The following FREM2 variants were observed in gnomAD, a reference collection of about 807,000 sequenced individuals.
FREM2 encodes the protein FRAS1 related extracellular matrix 2, also known as FRAS1-related extracellular matrix protein 2.
FREM2 carries 119 observed loss-of-function variants against 219.9 expected under a neutral mutation model. The ratio of observed to expected loss-of-function variants is 0.54; its 90% confidence interval spans 0.47 to 0.63. FREM2 has a LOEUF of 0.63. FREM2 is among the 30% of genes least tolerant of loss of function. The pLI is 0.00. For synonymous variants in FREM2, 1,562 were observed against 1,522.8 expected, an observed-to-expected ratio of 1.03 and a Z score of -0.60; for missense variants, 4,030 against 3,993.6, an observed-to-expected ratio of 1.01 and a Z score of -0.25.
chr13:38,856,858 C>T (rs149046982), intron 12 of FREM2, among the ~76,000 whole-genome samples: 66 of 152,062 alleles, frequency 4.3e-4, no homozygotes, highest in Non-Finnish European at 7.1e-4. Flanking sequence ...TTTAAAACTA[C>T]GTGTCTTTTT....
chr13:38,707,192 T>A (rs1870576068), intron 2 of FREM2, among the ~76,000 whole-genome samples: 1 of 152,198 alleles, frequency 6.6e-6, no homozygotes. Context: ...ACAGTGTACC[T>A]TCAGATGGTT....
At chr13:38,698,726 G>A (rs781669785) in intron 2 of FREM2, among the ~76,000 whole-genome samples, 13 of 152,058 alleles carry the variant, frequency 8.5e-5, no homozygotes, top group East Asian at 1.9e-4. Flanking sequence ...CTATTATGTC[G>A]TCTATCTCAA....
chr13:38,687,994 G>C lies in FREM2; in HGVS notation c.650G>C (p.Arg217Pro), dbSNP rs1466853435. 6.2e-7 allele frequency: 1 copy of C among 1,612,452 alleles called. No individual in the cohort carries two copies. The highest frequency in any genetic ancestry group is 8.5e-7 in the Non-Finnish European group (1 of 1,179,074). The change falls in exon 1 of 24, where the codon CGC (arginine) becomes CCC (proline). Residue 217 changes from arginine to proline, a missense_variant. Around this residue, in one of 2 missense-constraint regions of FREM2, gnomAD observed 3,102 missense variants for 2,950.7 expected, o/e 1.05. Transcript: ENST00000280481. ...FAFQPETEEC[R>P]VGILSGLGAL... The stretch of plus-strand genomic sequence containing the variant: ...TTCCAGCCCGAGACAGAGGAGTGCC[G>C]CGTGGGCATCCTGTCCGGCTTGGGC...
At chr13:38,804,380 A>G (rs1875139548) in intron 6 of FREM2, among the ~76,000 whole-genome samples, 1 of 151,656 alleles carries the variant, frequency 6.6e-6, no homozygotes, top group South Asian at 2.1e-4. Context: ...AACAAAAATC[A>G]AAATAAATCA....
Position 38,688,197 on chromosome 13 carries a change from G to A in FREM2, c.853G>A (p.Glu285Lys). 6.2e-7 allele frequency: 1 copy of A among 1,613,308 alleles called. No homozygotes were observed. Among genetic ancestry groups the A allele is most frequent in the South Asian group, 1.1e-5 (1 of 91,070 alleles). ...CAGGGACTGGATACCCATGGTGGTG[G>A]AGCTGCGTTCACGAGGGGCTCCTGT... ...PNRDWIPMVV[E>K]LRSRGAPVGS... The change falls in exon 1 of 24, where the codon GAG becomes AAG. Residue 285 changes from glutamate (E) to lysine (K), a missense_variant. Coordinates refer to ENST00000280481, the MANE Select transcript of FREM2 (RefSeq NM_207361.6).
chr13:38,781,988 C>T (rs934878234), intron 4 of FREM2, among the ~76,000 whole-genome samples: 9 of 152,148 alleles, frequency 5.9e-5, no homozygotes, highest in Admixed American at 3.9e-4. Flanking sequence ...TGCTTTTGCC[C>T]TCCAAGTTCC....
At chr13:38,827,478 C>T (rs1876337677) in intron 6 of FREM2, 1 of 152,076 alleles carries the variant, frequency 6.6e-6, no homozygotes, top group Admixed American at 6.6e-5. Flanking sequence ...TCAGTCTTAG[C>T]TTATACCTCC....
At chr13:38,726,526 C>T (rs1871530721) in intron 2 of FREM2, among the ~76,000 whole-genome samples, 1 of 151,986 alleles carries the variant, frequency 6.6e-6, no homozygotes, top group Non-Finnish European at 1.5e-5. Flanking sequence ...GGGTCAGAGG[C>T]ACAAGTTTGT....
Position 38,769,637 on chromosome 13 carries a change from A to C in FREM2, c.5470A>C (p.Lys1824Gln). Residue 1824 changes from lysine (K) to glutamine (Q), a missense_variant, in exon 4 of 24, where the codon AAA (lysine) becomes CAA (glutamine). Lys to Gln is a moderately conservative substitution (Grantham distance 53, BLOSUM62 1). Around this residue, in one of 2 missense-constraint regions of FREM2, gnomAD observed 3,102 missense variants for 2,950.7 expected, o/e 1.05. Transcript: ENST00000280481. ...KDKDFKGKAQ[K>Q]QVQFNPGQTR... Reference sequence around the variant, plus strand: ...CAAAGACTTCAAGGGCAAAGCACAGAAACAAGTGCAGTTCAACCCAGGCCA... The same window carrying C: ...CAAAGACTTCAAGGGCAAAGCACAGCAACAAGTGCAGTTCAACCCAGGCCA... 6.2e-7 allele frequency: 1 copy of C among 1,614,200 alleles called. No individual in the cohort carries two copies. The highest frequency in any genetic ancestry group is 8.5e-7 in the Non-Finnish European group (1 of 1,180,010).
At position 38,697,796 on chromosome 13, in the gene FREM2, TC is replaced by T; in HGVS notation, c.5263+13del. 2.6e-6 allele frequency: 4 copies of T among 1,515,912 alleles called. No individual in the cohort carries two copies. Among genetic ancestry groups the T allele is most frequent in the Non-Finnish European group, 3.7e-6 (4 of 1,090,526 alleles). 93.9% of individuals were successfully genotyped at this position (1,515,912 alleles called of 1,614,324 possible). ...TGCAGTTGAAGATGGTGGTAAGTAT[TC>T]CCCTCTCCTGGTAGTGACCGCAAGG... On this transcript the variant is annotated intron_variant, in intron 2 of 23. Coordinates refer to ENST00000280481, the MANE Select transcript of FREM2 (RefSeq NM_207361.6).
chr13:38,794,641 A>G (rs928436944), intron 6 of FREM2, among the ~76,000 whole-genome samples: 7 of 148,970 alleles, frequency 4.7e-5, no homozygotes, highest in African/African-American at 1.5e-4. Flanking sequence ...TACTAGTTTT[A>G]CCTGTGTATT....
rs747930680 is a variant in FREM2 at position 38,850,979 on chromosome 13, G to T, written c.6613G>T (p.Asp2205Tyr). The T allele has an allele frequency of 1.2e-6, 2 of 1,613,304 alleles. No homozygotes were observed. The highest frequency in any genetic ancestry group is 1.7e-5 in the Admixed American group (1 of 60,022). Residue 2205 changes from aspartate to tyrosine, a missense_variant, in exon 10 of 24, where the codon GAC (aspartate) becomes TAC (tyrosine). Coordinates refer to ENST00000280481, the MANE Select transcript of FREM2 (RefSeq NM_207361.6). ...AAAGCCCTGCATTCTTGAGCTGATG[G>T]ACGATGTGCTCTATGAGGAGGTAGA... ...TEKPCILELM[D>Y]DVLYEEVEEL...
At chr13:38,711,574 A>G (rs1870771015) in intron 2 of FREM2, among the ~76,000 whole-genome samples, 1 of 152,204 alleles carries the variant, frequency 6.6e-6, no homozygotes, top group Non-Finnish European at 1.5e-5. Context: ...TGGATACCAT[A>G]TAGCATTTGA....
chr13:38,688,801 G>C lies in FREM2; in HGVS notation c.1457G>C (p.Gly486Ala), dbSNP rs771494373. Reference sequence around the variant, plus strand: ...GCAGTGCGGCTAGAGGTGGTGGCTGGGCTCCGGCATGGTCACCTTGTCATT... The same window carrying C: ...GCAGTGCGGCTAGAGGTGGTGGCTGCGCTCCGGCATGGTCACCTTGTCATT... ...LEAVRLEVVA[G>A]LRHGHLVILG... Residue 486 changes from glycine to alanine, a missense_variant, in exon 1 of 24, where the codon GGG becomes GCG. Gly to Ala is a moderately conservative substitution (Grantham distance 60). This residue lies in a region of FREM2 where 3,102 missense variants were observed against 2,950.7 expected (regional missense o/e 1.05). Coordinates refer to ENST00000280481, the MANE Select transcript of FREM2 (RefSeq NM_207361.6). 1 of 1,614,030 alleles carries C rather than the reference G, an allele frequency of 6.2e-7. No homozygotes were observed. The highest frequency in any genetic ancestry group is 1.1e-5 in the South Asian group (1 of 91,076).
chr13:38,784,522 T>C (rs1000731177), intron 5 of FREM2, 35 bp from the exon 6 acceptor site: 1 of 1,611,006 alleles, frequency 6.2e-7, no homozygotes, highest in Non-Finnish European at 8.5e-7. Context: ...TCTTATGTTC[T>C]ACATAAAAAT....
rs546470828 is a variant in FREM2 at position 38,829,069 on chromosome 13, C to T, written c.6020-17504C>T. Among the ~76,000 whole-genome samples the T allele has an allele frequency of 4.6e-5, 7 of 152,146 alleles. No individual in the cohort carries two copies. The East Asian group carries it at 1.4e-3, about 30-fold the overall frequency. ...GTTATATATATTCTCTCATTCAGTCCTTATAACAAATCCATGACACATATG... is the reference window on the plus strand; with the variant it reads ...GTTATATATATTCTCTCATTCAGTCTTTATAACAAATCCATGACACATATG... On this transcript the variant is annotated intron_variant, in intron 6 of 23. Transcript: ENST00000280481.
chr13:38,704,443 A>G (rs996435908), intron 2 of FREM2, among the ~76,000 whole-genome samples: 4 of 152,244 alleles, frequency 2.6e-5, no homozygotes, highest in African/African-American at 9.6e-5. Context: ...GACTTAGGAC[A>G]GGATGAAGCT....
chr13:38,856,519 C>T (rs1019519275), intron 12 of FREM2, among the ~76,000 whole-genome samples: 4 of 152,100 alleles, frequency 2.6e-5, no homozygotes, highest in African/African-American at 7.2e-5. Context: ...TGTGCACTTC[C>T]CTTCCCCATG....
At chr13:38,701,785 ATAAT>A (rs1410775021) in intron 2 of FREM2, among the ~76,000 whole-genome samples, 1 of 152,118 alleles carries the variant, frequency 6.6e-6, no homozygotes, top group Non-Finnish European at 1.5e-5. Flanking sequence ...TCACAATTAC[ATAAT>A]TAGTCTCACT....
Sources: allele counts gnomAD v4.1 joint callset (sites outside exome capture counted in the v4.1 genomes callset), GRCh38; gene constraint gnomAD v4.1.1; regional missense constraint gnomAD v4.1.1; transcripts MANE v1.5; gene names NCBI Gene and HGNC (gene_info 2026-07-23, HGNC 2026-07-21).